ZNF398: variants seen among roughly 807,000 people sequenced by gnomAD.
ZNF398 encodes the protein zinc finger DNA binding protein ZER6.
ZNF398 carries 18 observed loss-of-function variants against 41.9 expected under a neutral mutation model. That is an observed-to-expected ratio of 0.43 (90% CI 0.30 to 0.64). The LOEUF (loss-of-function observed/expected upper bound fraction) is 0.64. ZNF398 is among the 30% of genes least tolerant of loss of function. ZNF398 has a pLI of 0.14. For missense variants in ZNF398, 669 were observed against 822.8 expected (o/e 0.81, Z 2.29); for synonymous variants, 260 against 308.8 (o/e 0.84, Z 1.66).
upstream of ZNF398, among the ~76,000 whole-genome samples, chr7:149,146,796 G>A (rs1038295916): frequency 4.0e-5 from 6 of 151,684 alleles, no homozygotes; most frequent in East Asian, 1.2e-3. Flanking sequence ...GCAGTGAGCC[G>A]AGATCCCGCC....
chr7:149,156,880 A>G (rs1219833908), intron 2 of ZNF398, among the ~76,000 whole-genome samples: 4 of 151,040 alleles, frequency 2.6e-5, no homozygotes, highest in African/African-American at 9.7e-5. Flanking sequence ...AAAAAAGAAT[A>G]ATTATAAATT....
chr7:149,142,554 C>T (rs1467786787), upstream of ZNF398, among the ~76,000 whole-genome samples: 1 of 152,198 alleles, frequency 6.6e-6, no homozygotes, highest in African/African-American at 2.4e-5. Flanking sequence ...GTAGTCCCAG[C>T]TACTCGGGAG....
upstream of ZNF398, among the ~76,000 whole-genome samples, chr7:149,142,464 G>A (rs970647337): frequency 1.3e-5 from 2 of 152,082 alleles, no homozygotes; most frequent in African/African-American, 4.8e-5. Flanking sequence ...TCAGGAGATC[G>A]AGACCATCCT....
At chr7:149,144,443 G>T (rs1239720894), upstream of ZNF398, among the ~76,000 whole-genome samples, 1 of 151,992 alleles carries the variant, frequency 6.6e-6, no homozygotes, top group Non-Finnish European at 1.5e-5. Flanking sequence ...GAGTAACTGG[G>T]TCGACAGGTG....
At chr7:149,137,637 C>T (rs1365650054) in intron 2 of ZNF398, among the ~76,000 whole-genome samples, 1 of 152,144 alleles carries the variant, frequency 6.6e-6, no homozygotes, top group East Asian at 1.9e-4. Context: ...GCCTTGGCCT[C>T]CCAAACTGTT....
chr7:149,159,504 C>T (rs908651706), intron 2 of ZNF398, among the ~76,000 whole-genome samples: 3 of 151,454 alleles, frequency 2.0e-5, no homozygotes, highest in African/African-American at 7.3e-5. Context: ...AAAAATTAGC[C>T]GGGCATGGTG....
intron 2 of ZNF398, among the ~76,000 whole-genome samples, chr7:149,132,134 G>A (rs1826607253): frequency 6.6e-6 from 1 of 150,834 alleles, no homozygotes; most frequent in South Asian, 2.1e-4. Context: ...ACACTACTAA[G>A]TTGCTCAGAA....
At position 149,181,550 on chromosome 7, in the gene ZNF398, C is replaced by T. The variant is rs1319477130; in HGVS notation, c.*1749C>T. The T allele has an allele frequency of 6.6e-6, 1 of 152,180 alleles. No individual in the cohort carries two copies. The highest frequency in any genetic ancestry group is 1.5e-5 in the Non-Finnish European group (1 of 68,026). 9.4% of individuals were successfully genotyped at this position (152,180 alleles called of 1,614,324 possible). ...CCATCCTTCACTCTCTCTAGTTATG[C>T]ATAACAACACTAGAAGAAGGTGTTA... On this transcript the variant is annotated 3_prime_UTR_variant, in exon 6 of 6. Transcript: ENST00000475153.
chr7:149,165,101 A>G (rs185591875), intron 2 of ZNF398, among the ~76,000 whole-genome samples: 11 of 150,666 alleles, frequency 7.3e-5, no homozygotes, highest in Middle Eastern at 3.4e-3. Context: ...TCTAAAAAAA[A>G]AAAAGAAAAG....
At chr7:149,177,293 G>A (rs1287319706) in intron 5 of ZNF398, among the ~76,000 whole-genome samples, 1 of 152,090 alleles carries the variant, frequency 6.6e-6, no homozygotes, top group African/African-American at 2.4e-5. Context: ...AAATGAATGA[G>A]AAGTTTCAGG....
chr7:149,180,791 T>G lies in ZNF398; in HGVS notation c.*990T>G, dbSNP rs909343943. The G allele has an allele frequency of 3.3e-5, 5 of 152,182 alleles. No individual in the cohort carries two copies. The highest frequency in any genetic ancestry group is 1.3e-4 in the Admixed American group (2 of 15,282). The allele number at this position is 152,182 out of a possible 1,614,324, so 9.4% of individuals were successfully genotyped here. On this transcript the variant is annotated 3_prime_UTR_variant, in exon 6 of 6. Coordinates refer to ENST00000475153, the MANE Select transcript of ZNF398 (RefSeq NM_170686.3). ...AAGATCACAGCACTTTCCAGAAGCA[T>G]GGAGCTTCAGAAAGTGCCAGTGAAC...
At chr7:149,165,322 C>G (rs1231474445) in intron 2 of ZNF398, among the ~76,000 whole-genome samples, 1 of 152,156 alleles carries the variant, frequency 6.6e-6, no homozygotes, top group Admixed American at 6.6e-5. Flanking sequence ...AAAGAACAGA[C>G]ACAGCAGTTA....
intron 2 of ZNF398, among the ~76,000 whole-genome samples, chr7:149,141,456 C>CTT (rs60019784): frequency 3.4e-4 from 44 of 128,242 alleles, no homozygotes; most frequent in Admixed American, 7.9e-4. Context: ...TCTTTTTTTT[C>CTT]TTTTTTTTTT....
At chr7:149,126,459 C>A in exon 1 of ZNF398, 1 of 620,892 alleles carries the variant, frequency 1.6e-6, no homozygotes, top group South Asian at 2.2e-5. Flanking sequence ...GTGCGGGCCG[C>A]AGCACGCCGG....
At position 149,147,516 on chromosome 7, in the gene ZNF398, C is replaced by T. The variant is rs527819534; in HGVS notation, c.-227C>T. ...GCGGGTGGAGTGCGGCGGAGTCGGC[C>T]TCGCGACCCCAGCTTGATCCGCCGC... On this transcript the variant is annotated 5_prime_UTR_variant, in exon 1 of 6. Coordinates refer to ENST00000475153, the MANE Select transcript of ZNF398 (RefSeq NM_170686.3). This position sits in a 1 kb window ranked among gnomAD's most constrained non-coding sequence, Gnocchi z 5.6. The T allele has an allele frequency of 2.5e-3, 865 of 346,512 alleles. 10 individuals carry two copies. Among genetic ancestry groups the T allele is most frequent in the Non-Finnish European group, 1.2e-3 (237 of 201,922 alleles). The allele number at this position is 346,512 out of a possible 1,614,324, so 21.5% of individuals were successfully genotyped here. A position where few individuals can be genotyped will look rare whatever the true frequency, so the allele number is the denominator to read the frequency against.
At chr7:149,137,543 G>A (rs761409725) in intron 2 of ZNF398, among the ~76,000 whole-genome samples, 4 of 152,144 alleles carry the variant, frequency 2.6e-5, no homozygotes, top group Middle Eastern at 3.4e-3. Context: ...CACCATGTCC[G>A]GCTAATTTTT....
rs1795576035 is a variant in ZNF398, at chr7:149,180,949, T to G, written c.*1148T>G. The G allele has an allele frequency of 6.6e-6, 1 of 152,524 alleles. No individual in the cohort carries two copies. The highest frequency in any genetic ancestry group is 2.1e-4 in the South Asian group (1 of 4,832). The allele number at this position is 152,524 out of a possible 1,614,324, so 9.4% of individuals were successfully genotyped here. A position where few individuals can be genotyped will look rare whatever the true frequency, so the allele number is the denominator to read the frequency against. On this transcript the variant is annotated 3_prime_UTR_variant, in exon 6 of 6. Coordinates refer to ENST00000475153, the MANE Select transcript of ZNF398 (RefSeq NM_170686.3). ...CAGATTGAGGAAATTCCTAGATCAC[T>G]GAGAGCTAAGCACCATGCATAGACA...
intron 2 of ZNF398, among the ~76,000 whole-genome samples, chr7:149,136,789 C>T (rs190838176): frequency 7.6e-4 from 115 of 151,156 alleles, no homozygotes; most frequent in African/African-American, 2.5e-3. Context: ...AGGCTGGTCT[C>T]GATCTCCTGA....
rs547516583 is a variant in ZNF398 at position 149,162,890 on chromosome 7, T to TGG, written c.421-3263_421-3262dup. Among the ~76,000 whole-genome samples the TGG allele has an allele frequency of 6.0e-3, 522 of 87,030 alleles. 6 individuals are homozygous for TGG. Among genetic ancestry groups the TGG allele is most frequent in the African/African-American group, 0.021 (494 of 23,912 alleles). 57.1% of individuals were successfully genotyped at this position (87,030 alleles called of 152,430 possible). On this transcript the variant is annotated intron_variant, in intron 2 of 5. Coordinates refer to ENST00000475153, the MANE Select transcript of ZNF398 (RefSeq NM_170686.3). ...CTGGCCAACATGGCAAACCCCTGGG[T>TGG]GGGGGGAGGGGGGCGGCGGAGGTTG...
Sources: gnomAD v4.1 joint callset for allele counts (sites outside exome capture counted in the v4.1 genomes callset) on GRCh38, gnomAD v4.1.1 for gene constraint, Gnocchi (gnomAD v3.1) non-coding constraint, MANE v1.5 for transcripts, NCBI Gene and HGNC (gene_info 2026-07-23, HGNC 2026-07-21) for gene names.